FGR: variants seen among roughly 807,000 people sequenced by gnomAD.
FGR encodes the protein FGR proto-oncogene, Src family tyrosine kinase.
A neutral mutation model predicts 63.2 loss-of-function variants in FGR; 26 were observed. The ratio of observed to expected loss-of-function variants is 0.41; its 90% CI spans 0.30 to 0.57. The LOEUF (loss-of-function observed/expected upper bound fraction) is 0.57, where lower values mean the gene tolerates loss of function less well. Ranked by LOEUF, FGR falls within the 20% of genes least tolerant of loss-of-function variation. FGR has a pLI of 0.27. For synonymous variants in FGR, 286 were observed against 277.7 expected, an observed-to-expected ratio of 1.03 and a Z score of -0.30; for missense variants, 511 against 690.8, an observed-to-expected ratio of 0.74 and a Z score of 2.92.
chr1:27,634,136 G>A (rs920114770), intron 1 of FGR, among the ~76,000 whole-genome samples: 4 of 150,840 alleles, frequency 2.7e-5, no homozygotes, highest in African/African-American at 9.8e-5. Context: ...CGAAGGCGGA[G>A]AGCAAAGGGG....
intron 11 of FGR, 41 bp from the exon 12 acceptor site, chr1:27,613,391 C>T (rs1436197312): frequency 1.9e-6 from 3 of 1,605,650 alleles, no homozygotes; most frequent in Non-Finnish European, 2.6e-6. Context: ...GTGAGGGGGT[C>T]CCTGGAAACA....
At chr1:27,623,996 A>C in intron 2 of FGR, 67 bp from the exon 3 acceptor site, 3 of 1,327,644 alleles carry the variant, frequency 2.3e-6, no homozygotes, top group Non-Finnish European at 3.1e-6. Flanking sequence ...ACACACGCGC[A>C]TGCACATGCT....
chr1:27,634,831 C>T (rs961803759), intron 1 of FGR, among the ~76,000 whole-genome samples: 3 of 152,048 alleles, frequency 2.0e-5, no homozygotes, highest in Non-Finnish European at 1.5e-5. Flanking sequence ...GTCGGCTTCC[C>T]CCGTGCTCCC....
In FGR at chr1:27,620,991, C is replaced by CAAAAAAAAAA. The variant is rs59265327; in HGVS notation, c.428+558_428+567dup. 5.4e-4 allele frequency among the ~76,000 whole-genome samples: 12 copies of CAAAAAAAAAA among 22,040 alleles called. 1 individual carries two copies. The highest frequency in any genetic ancestry group is 1.1e-3 in the African/African-American group (10 of 9,338). 14.5% of individuals were successfully genotyped at this position (22,040 alleles called of 152,430 possible). A position where few individuals can be genotyped will look rare whatever the true frequency, so the allele number is the denominator to read the frequency against. Reference sequence around the variant, plus strand: ...TAGGCAACAGAGTAGGACCCTGTCTCAAAAAAAAAAAAAAAAAAAAAAAAA... The same window carrying CAAAAAAAAAA: ...TAGGCAACAGAGTAGGACCCTGTCTCAAAAAAAAAAAAAAAAAAAAAAAAAAAAAAAAAAA... On this transcript the variant is annotated intron_variant, in intron 5 of 12. Transcript: ENST00000374005.
intron 1 of FGR, among the ~76,000 whole-genome samples, chr1:27,633,568 TTTG>T (rs1032528957): frequency 5.3e-5 from 8 of 152,288 alleles, no homozygotes; most frequent in Non-Finnish European, 8.8e-5. Flanking sequence ...CTCCATGCTT[TTTG>T]TTGTTGTTGT....
At position 27,634,453 on chromosome 1, in the gene FGR, G is replaced by A. The variant is rs1382741473; in HGVS notation, c.-77+612C>T. 4.6e-5 allele frequency among the ~76,000 whole-genome samples: 7 copies of A among 152,326 alleles called. No homozygotes were observed. In the East Asian group the frequency reaches 1.2e-3, roughly 25 times the overall value. On this transcript the variant is annotated intron_variant, in intron 1 of 12. Transcript: ENST00000374005. ...GGGCCGAGAGGGTCGCGGGGCCGCG[G>A]TCGCGGCCGCTAACGTTACCCTGCG...
chr1:27,632,597 G>A (rs1383772952), intron 1 of FGR, among the ~76,000 whole-genome samples: 1 of 152,104 alleles, frequency 6.6e-6, no homozygotes, highest in Non-Finnish European at 1.5e-5. Context: ...ATGTGGTCCC[G>A]AGGCCATTAG....
rs1188603916 is a variant in FGR at position 27,615,033 on chromosome 1, CACTT to C, written c.1019-111_1019-108del. On this transcript the variant is annotated intron_variant, in intron 9 of 12. Transcript: ENST00000374005. The surrounding 1 kb of genome is among the most constrained non-coding windows in gnomAD (Gnocchi z 7.6). ...GCCCCTCCCACCTGGACCCGCCCCTCACTTAGGACCCCGCGGGTGCCTCAACCCC... is the reference window on the plus strand; with the variant it reads ...GCCCCTCCCACCTGGACCCGCCCCTCAGGACCCCGCGGGTGCCTCAACCCC... The C allele has an allele frequency of 1.2e-6, 1 of 856,656 alleles. No homozygotes were observed. The highest frequency in any genetic ancestry group is 2.7e-5 in the East Asian group (1 of 37,624). The allele number at this position is 856,656 out of a possible 1,614,324, so 53.1% of individuals were successfully genotyped here. A position where few individuals can be genotyped will look rare whatever the true frequency, so the allele number is the denominator to read the frequency against.
rs552365466 is a variant in FGR at position 27,620,746 on chromosome 1, C to T, written c.428+813G>A. ...AATGATAAATTCCTGCCTCTTGGGCCAGGTCTCGGTGGCTCATGGCTGTAA... is the reference window on the plus strand; with the variant it reads ...AATGATAAATTCCTGCCTCTTGGGCTAGGTCTCGGTGGCTCATGGCTGTAA... On this transcript the variant is annotated intron_variant, in intron 5 of 12. Coordinates refer to ENST00000374005, the MANE Select transcript of FGR (RefSeq NM_005248.3). Among the ~76,000 whole-genome samples, 11 of 150,390 alleles carry T rather than the reference C, an allele frequency of 7.3e-5. No individual in the cohort carries two copies. In the East Asian group the frequency reaches 1.4e-3, roughly 19 times the overall value.
intron 11 of FGR, among the ~76,000 whole-genome samples, chr1:27,613,945 T>A (rs2148523353): frequency 6.6e-6 from 1 of 152,252 alleles, no homozygotes; most frequent in African/African-American, 2.4e-5. Context: ...TATGCATGCA[T>A]TAACTCATTT....
chr1:27,630,109 G>T (rs1210084520), intron 1 of FGR, among the ~76,000 whole-genome samples: 2 of 152,128 alleles, frequency 1.3e-5, no homozygotes, highest in Non-Finnish European at 2.9e-5. Flanking sequence ...CTGGAGTAAA[G>T]TGGCACAATC....
At position 27,616,783 on chromosome 1, in the gene FGR, C is replaced by A; in HGVS notation, c.682+74G>T. The A allele has an allele frequency of 6.5e-7, 1 of 1,536,740 alleles. No homozygotes were observed. The highest frequency in any genetic ancestry group is 1.1e-5 in the South Asian group (1 of 88,912). The stretch of plus-strand genomic sequence containing the variant: ...ATACTGCTTGGTAGTCCCTTCCCTT[C>A]TCTGGGCCTCAGTTCCCCCATCTGG... On this transcript the variant is annotated intron_variant, in intron 7 of 12. Transcript: ENST00000374005. This position sits in a 1 kb window ranked among gnomAD's most constrained non-coding sequence, Gnocchi z 4.3.
Position 27,614,485 on chromosome 1 carries a change from G to T in FGR, c.1194C>A (p.Ile398=). ...TGAGACGCGCCAAGCCAAAGTCTGC[G>T]ATCTTGCACGCCAGCCGCTCCCCAA... is the stretch of plus-strand genomic sequence containing the variant. The part of the protein sequence containing the change: ...ILVGERLACK[I]ADFGLARLIK... Residue 398 remains isoleucine, a synonymous_variant, in exon 11 of 13, where the codon ATC becomes ATA. Transcript: ENST00000374005. The T allele has an allele frequency of 6.2e-7, 1 of 1,613,808 alleles. No individual in the cohort carries two copies. Among genetic ancestry groups the T allele is most frequent in the Non-Finnish European group, 8.5e-7 (1 of 1,179,902 alleles).
chr1:27,621,193 G>A (rs1278624278), intron 5 of FGR, among the ~76,000 whole-genome samples: 4 of 152,004 alleles, frequency 2.6e-5, no homozygotes, highest in Non-Finnish European at 5.9e-5. Flanking sequence ...GTAATGCTTA[G>A]CAAATGCAGC....
intron 1 of FGR, chr1:27,626,064 A>C: frequency 2.5e-6 from 1 of 398,760 alleles, no homozygotes; most frequent in Non-Finnish European, 4.4e-6. Flanking sequence ...CTCTCCTCCT[A>C]TCCCCATACC....
intron 11 of FGR, among the ~76,000 whole-genome samples, chr1:27,613,616 T>C (rs954505703): frequency 1.3e-5 from 2 of 149,758 alleles, no homozygotes; most frequent in African/African-American, 5.0e-5. Context: ...GGCAGGAGAA[T>C]TGCTTGAACC....
rs1346615823 is a variant in FGR at position 27,617,747 on chromosome 1, C to CCCACCT, written c.429-457_429-452dup. On this transcript the variant is annotated intron_variant, in intron 5 of 12. Coordinates refer to ENST00000374005, the MANE Select transcript of FGR (RefSeq NM_005248.3). The surrounding 1 kb of genome is among the most constrained non-coding windows in gnomAD (Gnocchi z 4.5). ...GTAATCAGATCACTCAGATCCTTCTCCCACCTCCACCTCCAAACTCTTTCC... is the reference window on the plus strand; with the variant it reads ...GTAATCAGATCACTCAGATCCTTCTCCCACCTCCACCTCCACCTCCAAACTCTTTCC... Among the ~76,000 whole-genome samples, 3 of 152,208 alleles carry CCCACCT rather than the reference C, an allele frequency of 2.0e-5. No homozygotes were observed. Among genetic ancestry groups the CCCACCT allele is most frequent in the Non-Finnish European group, 4.4e-5 (3 of 68,048 alleles).
At chr1:27,628,717 AG>A (rs2148531603) in intron 1 of FGR, among the ~76,000 whole-genome samples, 1 of 152,306 alleles carries the variant, frequency 6.6e-6, no homozygotes, top group South Asian at 2.1e-4. Context: ...TATCAGATGG[AG>A]GGGATCCCTG....
rs1236172226 is a variant in FGR, at chr1:27,617,200, G to A, written c.525C>T (p.Thr175=). 4 of 1,613,798 alleles carry A rather than the reference G, an allele frequency of 2.5e-6. No homozygotes were observed. The highest frequency in any genetic ancestry group is 3.4e-6 in the Non-Finnish European group (4 of 1,179,806). Residue 175 remains threonine (T), a synonymous_variant, in exon 6 of 13, where the codon ACC becomes ACT. Transcript: ENST00000374005. The surrounding 1 kb of genome is among the most constrained non-coding windows in gnomAD (Gnocchi z 4.5). ...GCGTGGCACCACCCCTACCTTTGGT[G>A]GTCTCGCTTTCCCGAATGAGAAAGG... The part of the protein sequence containing the change: ...QGAFLIRESE[T]TKGAYSLSIR...
Sources: allele counts gnomAD v4.1 joint callset (sites outside exome capture counted in the v4.1 genomes callset), GRCh38; gene constraint gnomAD v4.1.1; non-coding constraint Gnocchi (gnomAD v3.1); transcripts MANE v1.5; gene names NCBI Gene and HGNC (gene_info 2026-07-23, HGNC 2026-07-21).